Variants in RPS6KA3 observed in about 807,000 individuals in gnomAD.
The protein encoded by RPS6KA3 is ribosomal protein S6 kinase alpha-3.
RPS6KA3 carries 4 observed loss-of-function variants against 67.2 expected under a neutral mutation model. That is an observed-to-expected ratio of 0.06 (90% CI 0.03 to 0.14). The LOEUF is 0.14. Ranked by LOEUF, RPS6KA3 falls within the 10% of genes least tolerant of loss-of-function variation. The probability of loss-of-function intolerance (pLI) is 1.00; values close to 1 mark genes in which losing one functional copy is unlikely to be tolerated. For missense variants in RPS6KA3, 204 were observed against 559.0 expected (o/e 0.36, Z 6.40); for synonymous variants, 182 against 183.7 (o/e 0.99, Z 0.07).
rs369469934 is a variant in RPS6KA3, at chrX:20,163,477, A to C, written c.1765-437T>G. On this transcript the variant is annotated intron_variant, in intron 18 of 21. Coordinates refer to ENST00000379565, the MANE Select transcript of RPS6KA3 (RefSeq NM_004586.3). ...ACAAAAAACCCCTGATTTCCCCCCC[A>C]AAAAAAAATCTGATGGGAAATAAAC... 1.8e-3 allele frequency among the ~76,000 whole-genome samples: 119 copies of C among 66,725 alleles called. 1 individual carries two copies. The highest frequency in any genetic ancestry group is 0.013 in the African/African-American group (109 of 8,567). 57.9% of individuals were successfully genotyped at this position (66,725 alleles called of 115,157 possible).
chrX:20,176,195 CA>C, intron 13 of RPS6KA3, 54 bp downstream of exon 13: 1 of 823,950 alleles, frequency 1.2e-6, no homozygotes, highest in Non-Finnish European at 1.8e-6. Flanking sequence ...TCTGATGAAA[CA>C]AGAAAAAAAC....
At position 20,162,120 on chromosome X, in the gene RPS6KA3, G is replaced by A. The variant is rs192412151; in HGVS notation, c.1842-359C>T. Among the ~76,000 whole-genome samples, 159 of 108,404 alleles carry A rather than the reference G, an allele frequency of 1.5e-3. 2 individuals carry two copies. The highest frequency in any genetic ancestry group is 4.8e-3 in the African/African-American group (144 of 29,876). The allele number at this position is 108,404 out of a possible 115,157, so 94.1% of individuals were successfully genotyped here. A position where few individuals can be genotyped will look rare whatever the true frequency, so the allele number is the denominator to read the frequency against. The stretch of plus-strand genomic sequence containing the variant: ...TGGGAGGCCGAGGTGGGCGGATCAC[G>A]AGGTCAGGAGTTTGAGACCAGCCTG... On this transcript the variant is annotated intron_variant, in intron 19 of 21. Coordinates refer to ENST00000379565, the MANE Select transcript of RPS6KA3 (RefSeq NM_004586.3).
At chrX:20,254,639 C>T (rs1455631926) in intron 1 of RPS6KA3, among the ~76,000 whole-genome samples, 1 of 112,085 alleles carries the variant, frequency 8.9e-6, no homozygotes, top group Non-Finnish European at 1.9e-5. Flanking sequence ...AAGGAACTTC[C>T]CTATCAGCAT....
At chrX:20,181,738 AGATCACT>A (rs1014399219) in intron 10 of RPS6KA3, among the ~76,000 whole-genome samples, 1 of 111,632 alleles carries the variant, frequency 9.0e-6, no homozygotes, top group African/African-American at 3.3e-5. Context: ...AGCAACCAGA[AGATCACT>A]GATAGCCACA....
At position 20,156,725 on chromosome X, in the gene RPS6KA3, G is replaced by C. The variant is rs777542513; in HGVS notation, c.1960-476C>G. On this transcript the variant is annotated intron_variant, in intron 20 of 21. Coordinates refer to ENST00000379565, the MANE Select transcript of RPS6KA3 (RefSeq NM_004586.3). ...TAACTTTTATGTTTTTAGTAGAGATGGGGTTTCATCATGTTGCCCAGGCTG... is the reference window on the plus strand; with the variant it reads ...TAACTTTTATGTTTTTAGTAGAGATCGGGTTTCATCATGTTGCCCAGGCTG... 4.6e-4 allele frequency among the ~76,000 whole-genome samples: 51 copies of C among 110,500 alleles called. 1 individual carries two copies. Among genetic ancestry groups the C allele is most frequent in the Admixed American group, 4.2e-3 (43 of 10,319 alleles).
chrX:20,167,483 G>T, intron 17 of RPS6KA3, 106 bp downstream of exon 17: 2 of 726,261 alleles, frequency 2.8e-6, no homozygotes, highest in Non-Finnish European at 4.4e-6. Context: ...TCAGCTAATA[G>T]CAGTTATTTT....
chrX:20,158,775 C>G (rs2067243695), intron 20 of RPS6KA3, among the ~76,000 whole-genome samples: 1 of 110,377 alleles, frequency 9.1e-6, no homozygotes. Context: ...AATGGCTACT[C>G]CTCCCCTAAG....
At chrX:20,214,064 A>C (rs1364221644) in intron 2 of RPS6KA3, among the ~76,000 whole-genome samples, 1 of 111,605 alleles carries the variant, frequency 9.0e-6, no homozygotes, top group African/African-American at 3.3e-5. Flanking sequence ...ACAGCCTTCC[A>C]CCATTCTTGG....
At chrX:20,175,330 G>A in intron 13 of RPS6KA3, 42 bp from the exon 14 acceptor site, 1 of 1,173,054 alleles carries the variant, frequency 8.5e-7, no homozygotes, top group Non-Finnish European at 1.2e-6. Flanking sequence ...CATTTGAAAG[G>A]AAATTAAGGG....
At chrX:20,166,597 A>T (rs1222393660) in intron 17 of RPS6KA3, among the ~76,000 whole-genome samples, 1 of 110,606 alleles carries the variant, frequency 9.0e-6, no homozygotes, top group African/African-American at 3.3e-5. Context: ...CAACTAAAAA[A>T]TTTTTAAAAA....
At chrX:20,179,187 T>C (rs2067781118) in intron 10 of RPS6KA3, among the ~76,000 whole-genome samples, 1 of 111,782 alleles carries the variant, frequency 8.9e-6, no homozygotes, top group Non-Finnish European at 1.9e-5. Context: ...TGGAAGAGGG[T>C]GCATGAAAAT....
intron 2 of RPS6KA3, among the ~76,000 whole-genome samples, chrX:20,222,056 G>A (rs2068998548): frequency 8.9e-6 from 1 of 112,771 alleles, no homozygotes; most frequent in Non-Finnish European, 1.9e-5. Context: ...GGCTACCGCC[G>A]AGTTGAGTAT....
chrX:20,231,437 T>C lies in RPS6KA3; in HGVS notation c.126+3321A>G, dbSNP rs1241256737. On this transcript the variant is annotated intron_variant, in intron 2 of 21. Coordinates refer to ENST00000379565, the MANE Select transcript of RPS6KA3 (RefSeq NM_004586.3). The stretch of plus-strand genomic sequence containing the variant: ...TACTTGATGAACTGATTGTAAAGTT[T>C]ATCTGGAAGATTAAATGTGTAGGAC... Among the ~76,000 whole-genome samples, 30 of 112,170 alleles carry C rather than the reference T, an allele frequency of 2.7e-4. No individual in the cohort carries two copies. The Admixed American group carries it at 2.8e-3, about 11-fold the overall frequency.
chrX:20,266,494 G>A (rs2070389607), intron 1 of RPS6KA3, 70 bp downstream of exon 1: 8 of 906,286 alleles, frequency 8.8e-6, no homozygotes, highest in Non-Finnish European at 1.1e-5. Context: ...GGCCAGCTCC[G>A]GGGAGCGAAG....
At chrX:20,164,786 T>A in intron 18 of RPS6KA3, 113 bp downstream of exon 18, 3 of 612,627 alleles carry the variant, frequency 4.9e-6, no homozygotes, top group Non-Finnish European at 5.4e-6. Context: ...CATTTTATCC[T>A]AATTATTTCT....
chrX:20,176,372 G>C lies in RPS6KA3; in HGVS notation c.1000-20C>G. 9.0e-7 allele frequency: 1 copy of C among 1,106,298 alleles called. No individual in the cohort carries two copies. Among genetic ancestry groups the C allele is most frequent in the Non-Finnish European group, 1.2e-6 (1 of 803,015 alleles). The allele number at this position is 1,106,298 out of a possible 1,213,427, so 91.2% of individuals were successfully genotyped here. A position where few individuals can be genotyped will look rare whatever the true frequency, so the allele number is the denominator to read the frequency against. On this transcript the variant is annotated intron_variant, in intron 12 of 21. Transcript: ENST00000379565. ...CAGTTTCTGGAGGGGAAAAAAAAAA[G>C]AGACTTAGACATATTTTAATTATAA...
intron 4 of RPS6KA3, among the ~76,000 whole-genome samples, chrX:20,201,985 T>C (rs1033911246): frequency 2.0e-5 from 2 of 102,116 alleles, no homozygotes; most frequent in African/African-American, 7.1e-5. Context: ...TCTTTTTTTT[T>C]TTTTTTTTTT....
rs983284439 is a variant in RPS6KA3 at position 20,184,799 on chromosome X, T to A, written c.845+1497A>T. Among the ~76,000 whole-genome samples the A allele has an allele frequency of 2.7e-5, 3 of 111,894 alleles. 1 individual carries two copies. Among genetic ancestry groups the A allele is most frequent in the African/African-American group, 9.7e-5 (3 of 30,842 alleles). Reference sequence around the variant, plus strand: ...GGTCTGTCATAACATGAACATGGTATATTCTTTCAAGTTATTTTGGTCTTT... The same window carrying A: ...GGTCTGTCATAACATGAACATGGTAAATTCTTTCAAGTTATTTTGGTCTTT... On this transcript the variant is annotated intron_variant, in intron 10 of 21. Coordinates refer to ENST00000379565, the MANE Select transcript of RPS6KA3 (RefSeq NM_004586.3).
chrX:20,156,380 A>G, intron 20 of RPS6KA3, 131 bp from the exon 21 acceptor site: 1 of 701,788 alleles, frequency 1.4e-6, no homozygotes, highest in Non-Finnish European at 2.2e-6. Flanking sequence ...TTTGGTCAAC[A>G]TGGTAATTTG....
Sources: allele counts gnomAD v4.1 joint callset (sites outside exome capture counted in the v4.1 genomes callset), GRCh38; gene constraint gnomAD v4.1.1; transcripts MANE v1.5; gene names NCBI Gene and HGNC (gene_info 2026-07-23, HGNC 2026-07-21).